The following ASB2 variants were observed in gnomAD, a reference collection of about 807,000 sequenced individuals.
ASB2 encodes the protein ankyrin repeat and SOCS box containing 2.
In ASB2, 58 loss-of-function variants were observed where a neutral mutation model predicts 62.4. The observed-to-expected ratio is 0.93, with a 90% confidence interval of 0.75 to 1.16. ASB2 has a LOEUF of 1.16. ASB2 is among the 50% of genes most tolerant of loss of function. The pLI, the probability that ASB2 is intolerant of heterozygous loss-of-function variation, is 0.00. For synonymous variants in ASB2, 386 were observed against 385.3 expected (o/e 1.00, Z -0.02); for missense variants, 928 against 887.9 (o/e 1.05, Z -0.57).
intron 3 of ASB2, 77 bp downstream of exon 3, chr14:93,956,689 C>T: frequency 6.3e-7 from 1 of 1,582,850 alleles, no homozygotes; most frequent in Non-Finnish European, 8.7e-7. Context: ...GGCTGTGGGC[C>T]TGCTTCCCAC....
At chr14:93,937,590 C>T (rs1888314545) in intron 9 of ASB2, 108 bp downstream of exon 9, 1 of 1,145,364 alleles carries the variant, frequency 8.7e-7, no homozygotes, top group East Asian at 2.6e-5. Context: ...CAGAGCCTGG[C>T]AAGCAGCAGG....
Position 93,964,426 on chromosome 14 carries a change from G to T in ASB2, c.114C>A (p.Ser38Arg). 1.3e-6 allele frequency: 2 copies of T among 1,536,060 alleles called. No homozygotes were observed. The highest frequency in any genetic ancestry group is 1.7e-6 in the Non-Finnish European group (2 of 1,146,892). Residue 38 changes from serine (S) to arginine (R), a missense_variant, in exon 2 of 10, where the codon AGC becomes AGA. Coordinates refer to ENST00000555019, the MANE Select transcript of ASB2 (RefSeq NM_001202429.2). ...DELVQMAIEQ[S>R]LADKTRGPTT... ...TTGGGCCCCTTGTCTTGTCCGCTAG[G>T]CTCTGCTCGATGGCCATCTGCACCA... is the stretch of plus-strand genomic sequence containing the variant.
intron 7 of ASB2, chr14:93,943,934 G>T (rs1179397012): frequency 2.2e-6 from 1 of 455,648 alleles, no homozygotes; most frequent in African/African-American, 2.0e-5. Flanking sequence ...TACAGCAAAA[G>T]TGTTATATGT....
rs888929488 is a variant in ASB2, at chr14:93,972,251, T to C, written c.-74+4183A>G. On this transcript the variant is annotated intron_variant, in intron 1 of 9. Coordinates refer to ENST00000555019, the MANE Select transcript of ASB2 (RefSeq NM_001202429.2). The stretch of plus-strand genomic sequence containing the variant: ...CGCTCGACCTCCTTCCTTGCAATGC[T>C]CTCTCCTTCTGCCAAAACTTATCTT... Among the ~76,000 whole-genome samples the C allele has an allele frequency of 1.3e-4, 19 of 151,868 alleles. 1 individual carries two copies. The highest frequency in any genetic ancestry group is 1.1e-3 in the Admixed American group (17 of 15,256).
Position 93,934,232 on chromosome 14 carries a change from C to T in ASB2, c.*424G>A, listed in dbSNP as rs1408125398. On this transcript the variant is annotated 3_prime_UTR_variant, in exon 10 of 10. Coordinates refer to ENST00000555019, the MANE Select transcript of ASB2 (RefSeq NM_001202429.2). The stretch of plus-strand genomic sequence containing the variant: ...CTCCAAGACCCAGGCTCCCCCTACC[C>T]CCTACCTTGGGCCACGTCTTCATCT... 1.1e-5 allele frequency: 5 copies of T among 457,186 alleles called. No individual in the cohort carries two copies. Among genetic ancestry groups the T allele is most frequent in the Non-Finnish European group, 2.2e-5 (5 of 227,902 alleles). The allele number at this position is 457,186 out of a possible 1,614,324, so 28.3% of individuals were successfully genotyped here. A position where few individuals can be genotyped will look rare whatever the true frequency, so the allele number is the denominator to read the frequency against.
intron 2 of ASB2, 189 bp from the exon 3 acceptor site, chr14:93,957,059 A>AT: frequency 6.8e-7 from 1 of 1,471,540 alleles, no homozygotes; most frequent in Non-Finnish European, 9.0e-7. Context: ...TCTCCGGATT[A>AT]TTTTTGGCCC....
chr14:93,944,567 G>A (rs898500115), intron 7 of ASB2, among the ~76,000 whole-genome samples: 1 of 152,246 alleles, frequency 6.6e-6, no homozygotes, highest in African/African-American at 2.4e-5. Flanking sequence ...CTTTAATGCT[G>A]TATGCCCAGG....
rs766089801 is a variant in ASB2, at chr14:93,956,863, C to T, written c.214G>A (p.Ala72Thr). The T allele has an allele frequency of 4.3e-6, 7 of 1,614,144 alleles. No individual in the cohort carries two copies. Among genetic ancestry groups the T allele is most frequent in the Admixed American group, 1.7e-5 (1 of 60,030 alleles). ...AHFYPWTRST[A>T]PPESSPARAP... is the part of the protein sequence containing the mutation. ...CGGGCCGGCGAACTCTCAGGAGGTG[C>T]AGTGGACCTGGAGGGTGCAGAGCAG... Residue 72 changes from alanine (A) to threonine (T), a missense_variant, in exon 3 of 10, where the codon GCA becomes ACA. Physicochemically the swap from Ala to Thr is moderately conservative, Grantham distance 58. Coordinates refer to ENST00000555019, the MANE Select transcript of ASB2 (RefSeq NM_001202429.2).
At chr14:93,967,696 T>C (rs1889635068) in intron 1 of ASB2, among the ~76,000 whole-genome samples, 1 of 152,160 alleles carries the variant, frequency 6.6e-6, no homozygotes, top group Non-Finnish European at 1.5e-5. Context: ...AGCGAGACGT[T>C]TGGTTTGGCT....
chr14:93,955,196 C>G, intron 3 of ASB2: 1 of 456,262 alleles, frequency 2.2e-6, no homozygotes, highest in South Asian at 1.5e-5. Context: ...GTCCCATTTC[C>G]CAGATGGAGA....
intron 2 of ASB2, among the ~76,000 whole-genome samples, chr14:93,957,668 C>T (rs1476814423): frequency 6.6e-6 from 1 of 152,124 alleles, no homozygotes; most frequent in Non-Finnish European, 1.5e-5. Context: ...AGAGGGTGTT[C>T]CACATGTACT....
intron 1 of ASB2, among the ~76,000 whole-genome samples, chr14:93,975,894 A>G (rs1451103374): frequency 6.6e-6 from 1 of 152,176 alleles, no homozygotes; most frequent in African/African-American, 2.4e-5. Flanking sequence ...GCTTTGTTGG[A>G]TCTCACATAA....
intron 5 of ASB2, 98 bp downstream of exon 5, chr14:93,953,254 G>GAA: frequency 9.0e-7 from 1 of 1,106,220 alleles, no homozygotes; most frequent in East Asian, 2.6e-5. Context: ...GCAGGGCCAC[G>GAA]TTGGGGGTTA....
chr14:93,934,692 C>G lies in ASB2; in HGVS notation c.1872G>C (p.Arg624Ser), dbSNP rs745932458. The part of the protein sequence containing the change: ...KLLDTLPLPG[R>S]LIRYLKYENT... ...TCTCGTATTTCAGGTATCTAATCAG[C>G]CTGCCTGGGAGCGGCAAGGTGTCTA... Residue 624 changes from arginine to serine, a missense_variant, in exon 10 of 10, where the codon AGG (arginine) becomes AGC (serine). Coordinates refer to ENST00000555019, the MANE Select transcript of ASB2 (RefSeq NM_001202429.2). 6.2e-7 allele frequency: 1 copy of G among 1,614,170 alleles called. No individual in the cohort carries two copies. Among genetic ancestry groups the G allele is most frequent in the Non-Finnish European group, 8.5e-7 (1 of 1,180,016 alleles).
chr14:93,936,753 G>A (rs1297999257), intron 9 of ASB2, among the ~76,000 whole-genome samples: 6 of 152,226 alleles, frequency 3.9e-5, no homozygotes, highest in Non-Finnish European at 8.8e-5. Context: ...CTGGGGACAG[G>A]AGCAGTAGTG....
rs945155019 is a variant in ASB2 at position 93,934,474 on chromosome 14, C to G, written c.*182G>C. 14 of 606,264 alleles carry G rather than the reference C, an allele frequency of 2.3e-5. No homozygotes were observed. Among genetic ancestry groups the G allele is most frequent in the Non-Finnish European group, 3.8e-5 (13 of 344,406 alleles). The allele number at this position is 606,264 out of a possible 1,614,324, so 37.6% of individuals were successfully genotyped here. A position where few individuals can be genotyped will look rare whatever the true frequency, so the allele number is the denominator to read the frequency against. On this transcript the variant is annotated 3_prime_UTR_variant, in exon 10 of 10. Coordinates refer to ENST00000555019, the MANE Select transcript of ASB2 (RefSeq NM_001202429.2). ...ATTCTTCTCCTTGACACATTCTGTTCTCTGCTCTGGCCAAAGCTCTGGGCC... is the reference window on the plus strand; with the variant it reads ...ATTCTTCTCCTTGACACATTCTGTTGTCTGCTCTGGCCAAAGCTCTGGGCC...
At chr14:93,947,873 A>G (rs951214463) in intron 6 of ASB2, among the ~76,000 whole-genome samples, 3 of 151,844 alleles carry the variant, frequency 2.0e-5, no homozygotes, top group Admixed American at 6.6e-5. Flanking sequence ...GGGCGCCAGT[A>G]ATCCCAGCTA....
rs1244101174 is a variant in ASB2 at position 93,939,325 on chromosome 14, A to T, written c.1400T>A (p.Ile467Asn). The T allele has an allele frequency of 6.2e-7, 1 of 1,610,844 alleles. No individual in the cohort carries two copies. Among genetic ancestry groups the T allele is most frequent in the Admixed American group, 1.7e-5 (1 of 59,922 alleles). ...GGGGTGCGTGGCGATATAGGCGTCG[A>T]TGTTCGCGCCGTGGTCCAGCAGCAG... ...MQLLLDHGAN[I>N]DAYIATHPTA... Residue 467 changes from isoleucine to asparagine, a missense_variant, in exon 8 of 10, where the codon ATC becomes AAC. Transcript: ENST00000555019.
chr14:93,971,067 T>C (rs1360825979), intron 1 of ASB2, among the ~76,000 whole-genome samples: 4 of 152,186 alleles, frequency 2.6e-5, no homozygotes, highest in African/African-American at 7.2e-5. Flanking sequence ...CTGGCGGTTC[T>C]CTAGGAGGCT....
Sources: gnomAD v4.1 joint callset for allele counts (sites outside exome capture counted in the v4.1 genomes callset) on GRCh38, gnomAD v4.1.1 for gene constraint, MANE v1.5 for transcripts, NCBI Gene and HGNC (gene_info 2026-07-23, HGNC 2026-07-21) for gene names.